The following CACHD1 variants were observed in gnomAD, a reference collection of about 807,000 sequenced individuals.
CACHD1 encodes the protein VWFA and cache domain-containing protein 1.
In CACHD1, 71 loss-of-function variants were observed where a neutral mutation model predicts 138.7. The observed-to-expected ratio is 0.51, with a 90% CI of 0.42 to 0.62. CACHD1 has a LOEUF of 0.62. Ranked by LOEUF, CACHD1 falls within the 20% of genes least tolerant of loss-of-function variation. CACHD1 has a pLI of 0.00. For missense variants in CACHD1, 1,389 were observed against 1,625.3 expected, an observed-to-expected ratio of 0.85 and a Z score of 2.50; for synonymous variants, 578 against 591.5, an observed-to-expected ratio of 0.98 and a Z score of 0.33.
Position 64,675,994 on chromosome 1 carries a change from TAA to T in CACHD1, c.2975+12_2975+13del. 1 of 19,178 alleles carries T rather than the reference TAA, an allele frequency of 5.2e-5. No homozygotes were observed. Among genetic ancestry groups the T allele is most frequent in the Non-Finnish European group, 7.2e-5 (1 of 13,842 alleles). The allele number at this position is 19,178 out of a possible 1,614,324, so 1.2% of individuals were successfully genotyped here. A position where few individuals can be genotyped will look rare whatever the true frequency, so the allele number is the denominator to read the frequency against. Reference sequence around the variant, plus strand: ...CAATGCAGAGAACCGGTAAAATAATTAATAATAATAATAATAATAATAATAAT... The same window carrying T: ...CAATGCAGAGAACCGGTAAAATAATTTAATAATAATAATAATAATAATAAT... On this transcript the variant is annotated intron_variant, in intron 21 of 26. Transcript: ENST00000651257.
intron 2 of CACHD1, among the ~76,000 whole-genome samples, chr1:64,558,279 G>A (rs547806003): frequency 1.3e-5 from 2 of 152,240 alleles, no homozygotes; most frequent in East Asian, 1.9e-4. Context: ...GGAATAGCAC[G>A]CTTGCCTCCT....
intron 12 of CACHD1, among the ~76,000 whole-genome samples, chr1:64,655,318 G>T (rs1649226737): frequency 6.6e-6 from 1 of 152,076 alleles, no homozygotes; most frequent in Admixed American, 6.6e-5. Flanking sequence ...ATACAGGCAG[G>T]TATATATATT....
At chr1:64,659,582 T>C (rs929298356) in intron 13 of CACHD1, among the ~76,000 whole-genome samples, 5 of 152,216 alleles carry the variant, frequency 3.3e-5, no homozygotes, top group African/African-American at 4.8e-5. Context: ...TGTGATTGAT[T>C]TGGGTTTACC....
At chr1:64,650,527 A>G (rs1317256465) in intron 9 of CACHD1, among the ~76,000 whole-genome samples, 1 of 152,232 alleles carries the variant, frequency 6.6e-6, no homozygotes, top group East Asian at 1.9e-4. Flanking sequence ...AACTGCTTAA[A>G]AAATGCTTTT....
At chr1:64,486,650 T>TTAGG (rs944462448) in intron 1 of CACHD1, among the ~76,000 whole-genome samples, 29 of 152,128 alleles carry the variant, frequency 1.9e-4, no homozygotes, top group Non-Finnish European at 3.8e-4. Flanking sequence ...AAAGCATTAT[T>TTAGG]TAGGATTTTT....
intron 1 of CACHD1, among the ~76,000 whole-genome samples, chr1:64,477,866 C>A (rs945158198): frequency 1.3e-5 from 2 of 150,116 alleles, no homozygotes; most frequent in African/African-American, 4.9e-5. Flanking sequence ...GATCTCCTGA[C>A]CTCGTGATCC....
At chr1:64,547,820 TA>T (rs11354586) in intron 1 of CACHD1, among the ~76,000 whole-genome samples, 26,623 of 152,028 alleles carry the variant, frequency 0.18, 5,707 homozygotes, top group African/African-American at 0.51. Context: ...GGAGAAGGGG[TA>T]AAAAAAATGT....
At chr1:64,621,938 T>G (rs1570425309) in intron 4 of CACHD1, among the ~76,000 whole-genome samples, 1 of 152,192 alleles carries the variant, frequency 6.6e-6, no homozygotes, top group East Asian at 1.9e-4. Flanking sequence ...ATGCTATATA[T>G]TGAGTAAATT....
chr1:64,591,289 A>C (rs1647098156), intron 3 of CACHD1, among the ~76,000 whole-genome samples: 1 of 152,230 alleles, frequency 6.6e-6, no homozygotes, highest in Non-Finnish European at 1.5e-5. Flanking sequence ...GAGGATTTGA[A>C]TATATGGAGA....
chr1:64,669,801 G>A (rs1385278222), intron 16 of CACHD1, among the ~76,000 whole-genome samples: 1 of 152,032 alleles, frequency 6.6e-6, no homozygotes, highest in Non-Finnish European at 1.5e-5. Flanking sequence ...TATACGTGCT[G>A]TTGCTTTAGC....
At chr1:64,680,969 A>C (rs1650153620) in intron 24 of CACHD1, among the ~76,000 whole-genome samples, 1 of 152,262 alleles carries the variant, frequency 6.6e-6, no homozygotes, top group South Asian at 2.1e-4. Flanking sequence ...CTTCTGTTTC[A>C]GTACTTTAGT....
intron 3 of CACHD1, 56 bp downstream of exon 3, chr1:64,582,360 A>G (rs1647020164): frequency 6.9e-7 from 1 of 1,439,476 alleles, no homozygotes; most frequent in African/African-American, 1.4e-5. Flanking sequence ...TTGCTTATAC[A>G]TTTCATTTCA....
chr1:64,562,580 T>A (rs1356082340), intron 2 of CACHD1, among the ~76,000 whole-genome samples: 1 of 33,000 alleles, frequency 3.0e-5, no homozygotes, highest in Non-Finnish European at 1.5e-4. Flanking sequence ...TGGCTAATTT[T>A]TTTTTTTTTT....
chr1:64,676,353 C>T (rs902411709), intron 21 of CACHD1, among the ~76,000 whole-genome samples: 1 of 152,068 alleles, frequency 6.6e-6, no homozygotes, highest in South Asian at 2.1e-4. Context: ...TTTTTACACA[C>T]GTATGATGTG....
At chr1:64,662,838 A>G (rs1339410987) in intron 13 of CACHD1, among the ~76,000 whole-genome samples, 1 of 152,188 alleles carries the variant, frequency 6.6e-6, no homozygotes, top group Non-Finnish European at 1.5e-5. Context: ...TGTTTGTGTC[A>G]AGTTTTGCTG....
At chr1:64,509,260 T>C (rs567920578) in intron 1 of CACHD1, among the ~76,000 whole-genome samples, 43 of 152,332 alleles carry the variant, frequency 2.8e-4, no homozygotes, top group Non-Finnish European at 4.9e-4. Context: ...ATGCCTGTGT[T>C]ACCCGCCCCT....
At chr1:64,640,469 A>G (rs1029304090) in intron 7 of CACHD1, among the ~76,000 whole-genome samples, 25 of 152,184 alleles carry the variant, frequency 1.6e-4, no homozygotes, top group African/African-American at 5.8e-4. Flanking sequence ...TGAGGTCAGG[A>G]GTTCAAGACC....
chr1:64,477,201 T>TGA (rs1646178812), intron 1 of CACHD1, among the ~76,000 whole-genome samples: 1 of 152,206 alleles, frequency 6.6e-6, no homozygotes, highest in South Asian at 2.1e-4. Context: ...AATGTAAATA[T>TGA]GAGAGCAGTT....
chr1:64,509,278 A>G (rs1242890255), intron 1 of CACHD1, among the ~76,000 whole-genome samples: 1 of 152,228 alleles, frequency 6.6e-6, no homozygotes, highest in Non-Finnish European at 1.5e-5. Flanking sequence ...CCTTGTAGCA[A>G]GTGTGGAGTT....
Sources: gnomAD v4.1 joint callset for allele counts (sites outside exome capture counted in the v4.1 genomes callset) on GRCh38, gnomAD v4.1.1 for gene constraint, MANE v1.5 for transcripts, NCBI Gene and HGNC (gene_info 2026-07-23, HGNC 2026-07-21) for gene names.